Variants in RGS8 observed in about 807,000 individuals in gnomAD.
RGS8 encodes the protein regulator of G-protein signaling 8.
Under a neutral mutation model 21.7 loss-of-function variants are expected in RGS8, and 8 were observed. That is an observed-to-expected ratio of 0.37 (90% CI 0.22 to 0.66). The LOEUF (loss-of-function observed/expected upper bound fraction) is 0.66, where lower values mean the gene tolerates loss of function less well. RGS8 is among the 30% of genes least tolerant of loss of function. RGS8 has a pLI of 0.59. For missense variants in RGS8, 157 were observed against 217.9 expected (o/e 0.72, Z 1.76); for synonymous variants, 80 against 83.6 (o/e 0.96, Z 0.24).
intron 1 of RGS8, among the ~76,000 whole-genome samples, chr1:182,682,626 C>T (rs1398541658): frequency 6.6e-6 from 1 of 152,168 alleles, no homozygotes; most frequent in East Asian, 1.9e-4. Flanking sequence ...CACTTGTTAT[C>T]ACTCATTTTA....
intron 1 of RGS8, among the ~76,000 whole-genome samples, chr1:182,678,031 T>A (rs1664424043): frequency 6.6e-6 from 1 of 152,194 alleles, no homozygotes; most frequent in Non-Finnish European, 1.5e-5. Context: ...AATAATACAG[T>A]GCAATTGAGA....
the RGS8 span, among the ~76,000 whole-genome samples, chr1:182,718,909 G>A: frequency 6.6e-6 from 1 of 152,166 alleles, no homozygotes; most frequent in Non-Finnish European, 1.5e-5. Flanking sequence ...AAATCTTACT[G>A]TAATAGCGTC....
At chr1:182,669,627 C>T (rs752892468) in exon 3 of RGS8, 6 of 1,614,184 alleles carry the variant, frequency 3.7e-6, no homozygotes, top group Non-Finnish European at 5.1e-6. Flanking sequence ...TCATTACCTG[C>T]GTGGCATCAG....
chr1:182,701,851 T>C, the RGS8 span, among the ~76,000 whole-genome samples: 1 of 152,148 alleles, frequency 6.6e-6, no homozygotes, highest in Admixed American at 6.5e-5. Context: ...CCATCACTAA[T>C]CATCAGAGAA....
the RGS8 span, among the ~76,000 whole-genome samples, chr1:182,728,953 T>C: frequency 8.5e-5 from 13 of 152,320 alleles, no homozygotes; most frequent in Admixed American, 8.5e-4. Flanking sequence ...CATTTACCTG[T>C]GTCACAAACC....
At chr1:182,718,039 C>G in the RGS8 span, among the ~76,000 whole-genome samples, 1 of 152,128 alleles carries the variant, frequency 6.6e-6, no homozygotes, top group African/African-American at 2.4e-5. Flanking sequence ...GTAGCTGGAA[C>G]CTTACCTTGA....
chr1:182,661,545 GAGGGAGGA>G (rs1358334729), intron 5 of RGS8, among the ~76,000 whole-genome samples: 2 of 151,974 alleles, frequency 1.3e-5, no homozygotes, highest in Admixed American at 1.3e-4. Flanking sequence ...GGAAGGAAGG[GAGGGAGGA>G]AGGGAGGAAG....
intron 3 of RGS8, 94 bp from the exon 5 acceptor site, chr1:182,667,067 C>T (rs540442631): frequency 1.5e-5 from 15 of 973,746 alleles, no homozygotes; most frequent in Admixed American, 7.0e-5. Context: ...CTACGGGAGC[C>T]AGCACTGCCC....
At chr1:182,650,659 G>A (rs570289856) in intron 5 of RGS8, among the ~76,000 whole-genome samples, 5 of 152,238 alleles carry the variant, frequency 3.3e-5, no homozygotes, top group Admixed American at 1.3e-4. Flanking sequence ...CCAGGAGTTC[G>A]AGACCAGCCT....
intron 3 of RGS8, among the ~76,000 whole-genome samples, chr1:182,669,196 G>A (rs976352410): frequency 6.6e-6 from 1 of 152,160 alleles, no homozygotes; most frequent in African/African-American, 2.4e-5. Context: ...AATCTTCTTA[G>A]CTAGGTCTGA....
chr1:182,656,300 G>T (rs140543768), intron 5 of RGS8, among the ~76,000 whole-genome samples: 1 of 152,208 alleles, frequency 6.6e-6, no homozygotes, highest in Non-Finnish European at 1.5e-5. Context: ...CCCAAATCAG[G>T]CAAACACACC....
At chr1:182,730,787 A>C in the RGS8 span, among the ~76,000 whole-genome samples, 1 of 152,122 alleles carries the variant, frequency 6.6e-6, no homozygotes. Flanking sequence ...AGACCAGTAG[A>C]TCTCAATTTT....
At chr1:182,720,854 TATATATAC>T in the RGS8 span, among the ~76,000 whole-genome samples, 1 of 148,510 alleles carries the variant, frequency 6.7e-6, no homozygotes. Flanking sequence ...TGTGTATACA[TATATATAC>T]ATATATACAC....
At chr1:182,679,305 T>A (rs1664467408) in intron 1 of RGS8, among the ~76,000 whole-genome samples, 1 of 152,054 alleles carries the variant, frequency 6.6e-6, no homozygotes, top group African/African-American at 2.4e-5. Context: ...AAACACAGCC[T>A]CCATACTGTG....
intron 1 of RGS8, among the ~76,000 whole-genome samples, chr1:182,681,508 C>A (rs769300856): frequency 2.0e-5 from 3 of 152,214 alleles, no homozygotes; most frequent in Non-Finnish European, 2.9e-5. Flanking sequence ...TCTAGCCAGA[C>A]ACCTAGAATC....
the RGS8 span, among the ~76,000 whole-genome samples, chr1:182,689,617 T>C: frequency 6.6e-6 from 1 of 152,020 alleles, no homozygotes; most frequent in African/African-American, 2.4e-5. Context: ...ACAATCAAAA[T>C]CACCCAGTCC....
the RGS8 span, among the ~76,000 whole-genome samples, chr1:182,703,529 TG>T: frequency 6.6e-6 from 1 of 152,248 alleles, no homozygotes; most frequent in Non-Finnish European, 1.5e-5. Context: ...TCAGGGGTTT[TG>T]TGACTTTATT....
chr1:182,673,666 T>G (rs749659282), upstream of RGS8, among the ~76,000 whole-genome samples: 118 of 152,318 alleles, frequency 7.7e-4, 1 homozygote, highest in Middle Eastern at 0.037. Flanking sequence ...TAAAATAAGA[T>G]GCAAAAGAAA....
At chr1:182,720,154 T>C in the RGS8 span, among the ~76,000 whole-genome samples, 13 of 152,214 alleles carry the variant, frequency 8.5e-5, no homozygotes, top group African/African-American at 3.1e-4. Context: ...TTTTAAAAAG[T>C]CTTCTCTTGT....
Sources: allele counts gnomAD v4.1 joint callset (sites outside exome capture counted in the v4.1 genomes callset), GRCh38; gene constraint gnomAD v4.1.1; transcripts MANE v1.5; gene names NCBI Gene and HGNC (gene_info 2026-07-23, HGNC 2026-07-21).